The following EYA2 variants were observed in gnomAD, a reference collection of about 807,000 sequenced individuals.
EYA2 encodes the protein protein phosphatase EYA2.
A neutral mutation model predicts 69.2 loss-of-function variants in EYA2; 31 were observed. The observed-to-expected ratio is 0.45, with a 90% confidence interval of 0.34 to 0.60. The LOEUF (loss-of-function observed/expected upper bound fraction) is 0.60. EYA2 is among the 20% of genes least tolerant of loss of function. The pLI, the probability that EYA2 is intolerant of heterozygous loss-of-function variation, is 0.02. For missense variants in EYA2, 622 were observed against 701.2 expected (o/e 0.89, Z 1.28); for synonymous variants, 257 against 279.4 (o/e 0.92, Z 0.80).
chr20:46,946,491 CT>C (rs1978464853), intron 1 of EYA2, among the ~76,000 whole-genome samples: 1 of 152,120 alleles, frequency 6.6e-6, no homozygotes, highest in African/African-American at 2.4e-5. Flanking sequence ...GTTCTAAGAA[CT>C]TTTCTGGACA....
chr20:47,110,233 CTTTAA>C lies in EYA2; in HGVS notation c.888+13070_888+13074del, dbSNP rs571674521. 4.2e-4 allele frequency among the ~76,000 whole-genome samples: 64 copies of C among 152,250 alleles called. 1 individual carries two copies. The East Asian group carries it at 6.9e-3, about 17-fold the overall frequency. On this transcript the variant is annotated intron_variant, in intron 9 of 15. Transcript: ENST00000327619. ...GAAAGCCAGGAAGTGGCCCACTGCT[CTTTAA>C]TTTATTTTTTATTTTATTTTTCTGC...
chr20:47,105,863 G>T (rs916878937), intron 9 of EYA2, among the ~76,000 whole-genome samples: 1 of 152,024 alleles, frequency 6.6e-6, no homozygotes, highest in African/African-American at 2.4e-5. Context: ...AATCAAAATT[G>T]ATGCCAAAAA....
chr20:46,911,360 C>G (rs538144752), intron 1 of EYA2, among the ~76,000 whole-genome samples: 4 of 152,060 alleles, frequency 2.6e-5, no homozygotes, highest in Non-Finnish European at 5.9e-5. Context: ...CGCTCACCAC[C>G]AGGTTGGTAC....
At chr20:47,109,681 C>T (rs1429982761) in intron 9 of EYA2, among the ~76,000 whole-genome samples, 3 of 152,160 alleles carry the variant, frequency 2.0e-5, no homozygotes, top group Non-Finnish European at 4.4e-5. Context: ...CCACACCCTG[C>T]CTGCACTATG....
chr20:47,187,972 T>C, intron 15 of EYA2, 81 bp from the exon 16 acceptor site: 2 of 1,443,212 alleles, frequency 1.4e-6, no homozygotes, highest in Non-Finnish European at 1.9e-6. Flanking sequence ...GGTTGACTTC[T>C]CACATGCCCT....
intron 1 of EYA2, among the ~76,000 whole-genome samples, chr20:46,983,321 C>T (rs1980961743): frequency 6.6e-6 from 1 of 152,048 alleles, no homozygotes; most frequent in Non-Finnish European, 1.5e-5. Flanking sequence ...ACATCTCCTC[C>T]AAAAGAAAAG....
intron 1 of EYA2, among the ~76,000 whole-genome samples, chr20:46,980,061 G>A (rs1889142): frequency 0.86 from 130,702 of 152,094 alleles, 57,656 homozygotes; most frequent in Non-Finnish European, 0.96. Context: ...CTTTAGAGCT[G>A]GATGGGCCCT....
At chr20:46,949,154 C>CT (rs1327734390) in intron 1 of EYA2, among the ~76,000 whole-genome samples, 1 of 152,128 alleles carries the variant, frequency 6.6e-6, no homozygotes, top group Non-Finnish European at 1.5e-5. Context: ...TGGGACATGC[C>CT]ACCACATACC....
chr20:47,079,001 T>C (rs186377112), intron 7 of EYA2, among the ~76,000 whole-genome samples: 2 of 152,338 alleles, frequency 1.3e-5, no homozygotes, highest in African/African-American at 4.8e-5. Flanking sequence ...TGATTAAAAA[T>C]TTATTAATAC....
intron 1 of EYA2, among the ~76,000 whole-genome samples, chr20:46,906,023 T>C (rs6063033): frequency 0.24 from 37,003 of 152,196 alleles, 5,955 homozygotes; most frequent in Non-Finnish European, 0.35. Context: ...TTTAATGATG[T>C]GGGCACCCTT....
Position 46,999,095 on chromosome 20 carries a change from C to T in EYA2, c.110-2333C>T, listed in dbSNP as rs140415519. On this transcript the variant is annotated intron_variant, in intron 2 of 15. Coordinates refer to ENST00000327619, the MANE Select transcript of EYA2 (RefSeq NM_005244.5). ...ATGCCATGGAGATTGGCAGAAAAGA[C>T]GCTTGCCTCCAATTTATGGAATGCC... Among the ~76,000 whole-genome samples, 63 of 152,270 alleles carry T rather than the reference C, an allele frequency of 4.1e-4. 1 individual carries two copies. The highest frequency in any genetic ancestry group is 1.3e-3 in the African/African-American group (53 of 41,554).
At chr20:46,915,670 A>AT (rs1290190658) in intron 1 of EYA2, among the ~76,000 whole-genome samples, 22 of 152,292 alleles carry the variant, frequency 1.4e-4, no homozygotes, top group African/African-American at 4.1e-4. Flanking sequence ...AGTTGCCGGC[A>AT]TTTAAAAATT....
rs1176176578 is a variant in EYA2 at position 47,188,200 on chromosome 20, C to T, written c.*67C>T. ...CCCCTCGCCTTCCCCACCTCCCCAC[C>T]GAGAACTCCAGAGACCCAGATGTTG... On this transcript the variant is annotated 3_prime_UTR_variant, in exon 16 of 16. Transcript: ENST00000327619. 2.7e-6 allele frequency: 4 copies of T among 1,460,110 alleles called. No individual in the cohort carries two copies. The highest frequency in any genetic ancestry group is 3.7e-6 in the Non-Finnish European group (4 of 1,076,100). 90.4% of individuals were successfully genotyped at this position (1,460,110 alleles called of 1,614,324 possible).
At chr20:46,944,986 C>A (rs116517744) in intron 1 of EYA2, among the ~76,000 whole-genome samples, 3,559 of 151,968 alleles carry the variant, frequency 0.023, 134 homozygotes, top group African/African-American at 0.08. Flanking sequence ...TGCGTGTAGT[C>A]CTAGCTACTC....
chr20:47,076,746 G>A (rs2031532631), intron 7 of EYA2, among the ~76,000 whole-genome samples: 1 of 152,182 alleles, frequency 6.6e-6, no homozygotes, highest in African/African-American at 2.4e-5. Context: ...TGACAATGTT[G>A]AGACTTAGTT....
At chr20:47,022,570 C>A (rs948792877) in intron 5 of EYA2, among the ~76,000 whole-genome samples, 3 of 151,874 alleles carry the variant, frequency 2.0e-5, no homozygotes, top group African/African-American at 7.3e-5. Flanking sequence ...CACCTCAGCC[C>A]CCCAGAGTGC....
At chr20:47,071,699 A>C (rs1388581931) in intron 5 of EYA2, among the ~76,000 whole-genome samples, 4 of 152,118 alleles carry the variant, frequency 2.6e-5, no homozygotes, top group African/African-American at 9.7e-5. Flanking sequence ...TATTTTCTTC[A>C]TCTATCCAGG....
rs371834076 is a variant in EYA2, at chr20:47,091,069, C to G, written c.804+1688C>G. On this transcript the variant is annotated intron_variant, in intron 8 of 15. Coordinates refer to ENST00000327619, the MANE Select transcript of EYA2 (RefSeq NM_005244.5). ...CTATTTATAATCTGTATACTTTATG[C>G]GGCAGCTGCAATGCTCAGCCACAAA... Among the ~76,000 whole-genome samples the G allele has an allele frequency of 1.2e-4, 18 of 152,214 alleles. No individual in the cohort carries two copies. In the South Asian group the frequency reaches 3.7e-3, roughly 32 times the overall value.
At chr20:47,038,853 A>G (rs1984867265) in intron 5 of EYA2, among the ~76,000 whole-genome samples, 2 of 152,190 alleles carry the variant, frequency 1.3e-5, no homozygotes, top group Non-Finnish European at 2.9e-5. Flanking sequence ...GTGGAATCGT[A>G]CAGTATTTGT....
Sources: allele counts gnomAD v4.1 joint callset (sites outside exome capture counted in the v4.1 genomes callset), GRCh38; gene constraint gnomAD v4.1.1; transcripts MANE v1.5; gene names NCBI Gene and HGNC (gene_info 2026-07-23, HGNC 2026-07-21).